RMDN2: variants seen among roughly 807,000 people sequenced by gnomAD.
RMDN2 encodes regulator of microtubule dynamics protein 2.
Under a neutral mutation model 52.8 loss-of-function variants are expected in RMDN2, and 61 were observed. The ratio of observed to expected loss-of-function variants is 1.16; its 90% CI spans 0.94 to 1.43. The LOEUF is 1.43. Among genes scored for constraint, RMDN2 ranks in the 40% most tolerant of loss-of-function variants. RMDN2 has a pLI of 0.00. For synonymous variants in RMDN2, 180 were observed against 153.1 expected (o/e 1.18, Z -1.30); for missense variants, 592 against 475.3 (o/e 1.25, Z -2.28).
intron 2 of RMDN2, chr2:37,951,870 G>A: frequency 6.2e-7 from 1 of 1,613,378 alleles, no homozygotes. Flanking sequence ...CTTTTCTCTT[G>A]CAAGTGATAT....
At chr2:37,964,186 C>G (rs1349271708) in intron 2 of RMDN2, among the ~76,000 whole-genome samples, 7 of 151,774 alleles carry the variant, frequency 4.6e-5, no homozygotes, top group Non-Finnish European at 8.8e-5. Flanking sequence ...GACAGGGCAG[C>G]TGCCGGGCGG....
intron 10 of RMDN2, among the ~76,000 whole-genome samples, chr2:38,045,273 T>C (rs1318738555): frequency 4.6e-5 from 7 of 152,170 alleles, no homozygotes; most frequent in Non-Finnish European, 8.8e-5. Flanking sequence ...AGAAAATTAG[T>C]AAGGGCTTTT....
chr2:38,020,667 A>G (rs1371958624), downstream of RMDN2, among the ~76,000 whole-genome samples: 2 of 152,190 alleles, frequency 1.3e-5, no homozygotes, highest in Non-Finnish European at 2.9e-5. Flanking sequence ...CAGCGGCTGC[A>G]GAGGGTGTGC....
At chr2:37,983,471 AAC>A (rs1487367297) in intron 5 of RMDN2, among the ~76,000 whole-genome samples, 1 of 152,212 alleles carries the variant, frequency 6.6e-6, no homozygotes, top group Non-Finnish European at 1.5e-5. Context: ...ATCTTATCAA[AAC>A]ACAGAGTAGT....
At chr2:37,922,485 C>G (rs572708942), upstream of RMDN2, among the ~76,000 whole-genome samples, 1 of 151,994 alleles carries the variant, frequency 6.6e-6, no homozygotes, top group East Asian at 1.9e-4. Flanking sequence ...TACATTTCCT[C>G]ATGCTTTTCC....
At chr2:38,019,007 A>T (rs1240855085), downstream of RMDN2, among the ~76,000 whole-genome samples, 3 of 152,230 alleles carry the variant, frequency 2.0e-5, no homozygotes, top group Non-Finnish European at 4.4e-5. Flanking sequence ...CAAGATACTG[A>T]ATCAGTCCAG....
intron 10 of RMDN2, among the ~76,000 whole-genome samples, chr2:38,038,521 A>AC (rs961352106): frequency 2.1e-4 from 32 of 151,250 alleles, no homozygotes; most frequent in Non-Finnish European, 5.9e-5. Context: ...GCTGCCTGCA[A>AC]CCCCCGCCTC....
chr2:38,054,852 A>C (rs2125303336), intron 10 of RMDN2, among the ~76,000 whole-genome samples: 1 of 152,262 alleles, frequency 6.6e-6, no homozygotes. Flanking sequence ...CTTAATATAG[A>C]ATACAGCACA....
chr2:38,060,022 C>T (rs949237133), intron 10 of RMDN2, among the ~76,000 whole-genome samples: 27 of 151,934 alleles, frequency 1.8e-4, no homozygotes, highest in East Asian at 1.9e-4. Flanking sequence ...CTCAGCCTCC[C>T]GAGTAGCTGG....
intron 2 of RMDN2, among the ~76,000 whole-genome samples, chr2:37,932,514 TCC>T: frequency 6.7e-6 from 1 of 149,984 alleles, no homozygotes; most frequent in Non-Finnish European, 1.5e-5. Context: ...TCCCCACCTT[TCC>T]CCCCTTTCTA....
At chr2:37,981,541 G>A (rs1673316582) in intron 5 of RMDN2, among the ~76,000 whole-genome samples, 198 bp downstream of exon 5, 1 of 152,120 alleles carries the variant, frequency 6.6e-6, no homozygotes, top group Non-Finnish European at 1.5e-5. Context: ...ATATTTAAGG[G>A]AAACTTTTAT....
At chr2:38,036,169 T>G (rs1346655104) in intron 10 of RMDN2, 1 of 152,198 alleles carries the variant, frequency 6.6e-6, no homozygotes, top group Non-Finnish European at 1.5e-5. Flanking sequence ...ATCCGTGATA[T>G]GTCACCCAGG....
chr2:37,940,902 A>C (rs532396532), intron 2 of RMDN2, among the ~76,000 whole-genome samples: 1 of 152,270 alleles, frequency 6.6e-6, no homozygotes, highest in African/African-American at 2.4e-5. Flanking sequence ...TCAATTCATC[A>C]AACTCATTCT....
chr2:37,960,958 T>C (rs1041148687), intron 2 of RMDN2, among the ~76,000 whole-genome samples: 1 of 152,228 alleles, frequency 6.6e-6, no homozygotes, highest in Non-Finnish European at 1.5e-5. Flanking sequence ...AAGCTTAGTT[T>C]GGCTCAATAT....
At chr2:38,018,589 A>C (rs17021851), downstream of RMDN2, among the ~76,000 whole-genome samples, 8,135 of 152,274 alleles carry the variant, frequency 0.053, 748 homozygotes, top group African/African-American at 0.19. Flanking sequence ...AGAACATCTT[A>C]AGTGCAAGTA....
At chr2:37,937,732 A>G (rs1249017688) in intron 2 of RMDN2, among the ~76,000 whole-genome samples, 1 of 152,080 alleles carries the variant, frequency 6.6e-6, no homozygotes, top group Non-Finnish European at 1.5e-5. Flanking sequence ...TTTTTGCACA[A>G]TGATTTTGTA....
rs371887478 is a variant in RMDN2, at chr2:37,963,001, C to G, written c.453-11039C>G. The G allele has an allele frequency of 2.2e-4, 34 of 152,864 alleles. No individual in the cohort carries two copies. In the South Asian group the frequency reaches 6.8e-3, roughly 31 times the overall value. 9.5% of individuals were successfully genotyped at this position (152,864 alleles called of 1,614,324 possible). Reference sequence around the variant, plus strand: ...TTCCTGGGTGAGGCAATACCCCACCCTCTTTGGCTCGCCCTATGTGGGCTG... The same window carrying G: ...TTCCTGGGTGAGGCAATACCCCACCGTCTTTGGCTCGCCCTATGTGGGCTG... On this transcript the variant is annotated intron_variant, in intron 2 of 10. Coordinates refer to ENST00000354545, the MANE Select transcript of RMDN2 (RefSeq NM_001170791.3).
At chr2:37,932,961 C>T (rs1407489474) in intron 2 of RMDN2, among the ~76,000 whole-genome samples, 51 of 150,602 alleles carry the variant, frequency 3.4e-4, no homozygotes, top group East Asian at 2.2e-3. Context: ...CGGGCGGAGA[C>T]GCTCCTCACT....
chr2:37,969,995 C>G (rs1264490084), intron 2 of RMDN2, among the ~76,000 whole-genome samples: 1 of 151,970 alleles, frequency 6.6e-6, no homozygotes, highest in African/African-American at 2.4e-5. Context: ...TGCAGTGGCA[C>G]AATCATAGCT....
Sources: allele counts gnomAD v4.1 joint callset (sites outside exome capture counted in the v4.1 genomes callset), GRCh38; gene constraint gnomAD v4.1.1; transcripts MANE v1.5; gene names NCBI Gene and HGNC (gene_info 2026-07-23, HGNC 2026-07-21).